BMERB1: variants seen among roughly 807,000 people sequenced by gnomAD.
The protein encoded by BMERB1 is bMERB domain containing 1.
Under a neutral mutation model 23.6 loss-of-function variants are expected in BMERB1, and 12 were observed. That is an observed-to-expected ratio of 0.51 (90% confidence interval 0.33 to 0.82). BMERB1 has a LOEUF of 0.82. Ranked by LOEUF, BMERB1 falls within the 40% of genes least tolerant of loss-of-function variation. BMERB1 has a pLI of 0.03. For missense variants in BMERB1, 247 were observed against 255.4 expected, an observed-to-expected ratio of 0.97 and a Z score of 0.22; for synonymous variants, 122 against 96.6, an observed-to-expected ratio of 1.26 and a Z score of -1.54.
chr16:15,515,978 C>CT (rs2051747137), intron 2 of BMERB1, among the ~76,000 whole-genome samples: 1 of 152,168 alleles, frequency 6.6e-6, no homozygotes, highest in African/African-American at 2.4e-5. Context: ...AAGTTGGGCT[C>CT]TGAGTGTGTG....
At chr16:15,436,815 C>T (rs930452453) in intron 1 of BMERB1, among the ~76,000 whole-genome samples, 1 of 151,896 alleles carries the variant, frequency 6.6e-6, no homozygotes, top group Non-Finnish European at 1.5e-5. Flanking sequence ...TGACCATGTG[C>T]TGAGAACTCT....
chr16:15,583,328 A>G (rs2150978265), intron 5 of BMERB1, 90 bp downstream of exon 5: 2 of 1,090,544 alleles, frequency 1.8e-6, no homozygotes, highest in Non-Finnish European at 1.4e-6. Context: ...CTGTAATCCC[A>G]GCACTATGAG....
intron 2 of BMERB1, among the ~76,000 whole-genome samples, chr16:15,537,137 T>C (rs2052032779): frequency 6.6e-6 from 1 of 152,156 alleles, no homozygotes; most frequent in Non-Finnish European, 1.5e-5. Context: ...ATGCCTTTGA[T>C]TGAACCTGGG....
At chr16:15,463,190 C>T (rs2051151013) in intron 1 of BMERB1, among the ~76,000 whole-genome samples, 1 of 151,712 alleles carries the variant, frequency 6.6e-6, no homozygotes, top group African/African-American at 2.4e-5. Context: ...GGGATCCTCT[C>T]ACCTCAGCCT....
chr16:15,550,701 A>AAG (rs1284155134), intron 2 of BMERB1, among the ~76,000 whole-genome samples: 2 of 152,168 alleles, frequency 1.3e-5, no homozygotes, highest in Non-Finnish European at 2.9e-5. Flanking sequence ...ATGGGAACAG[A>AAG]AGATGACAGC....
chr16:15,451,552 CTTTTTTTTTTT>C lies in BMERB1; in HGVS notation c.106+16807_106+16817del, dbSNP rs35544766. Among the ~76,000 whole-genome samples the C allele has an allele frequency of 3.8e-3, 323 of 84,024 alleles. 6 individuals carry two copies. Among genetic ancestry groups the C allele is most frequent in the African/African-American group, 0.014 (310 of 22,058 alleles). 55.1% of individuals were successfully genotyped at this position (84,024 alleles called of 152,430 possible). Reference sequence around the variant, plus strand: ...ACATACTGGGTCACTCTTAGTATTTCTTTTTTTTTTTTTTTTTTTTTTTTGAGACAGGAGCT... The same window carrying C: ...ACATACTGGGTCACTCTTAGTATTTCTTTTTTTTTTTTTGAGACAGGAGCT... On this transcript the variant is annotated intron_variant, in intron 1 of 5. Transcript: ENST00000300006.
At chr16:15,549,589 G>T (rs2030021923) in intron 2 of BMERB1, among the ~76,000 whole-genome samples, 1 of 151,692 alleles carries the variant, frequency 6.6e-6, no homozygotes, top group Middle Eastern at 3.4e-3. Context: ...TGAGGCAGGA[G>T]AATTCCTTGA....
intron 1 of BMERB1, among the ~76,000 whole-genome samples, chr16:15,514,294 C>G (rs879437949): frequency 6.6e-5 from 10 of 152,066 alleles, no homozygotes; most frequent in Non-Finnish European, 1.5e-4. Flanking sequence ...ATACTTAACA[C>G]TACTTGGTAG....
At chr16:15,502,527 T>G (rs772368115) in intron 1 of BMERB1, among the ~76,000 whole-genome samples, 12 of 152,106 alleles carry the variant, frequency 7.9e-5, no homozygotes, top group Non-Finnish European at 1.6e-4. Flanking sequence ...TCCCATTACA[T>G]TCACGTTATA....
chr16:15,530,655 C>A (rs1172126665), intron 2 of BMERB1, among the ~76,000 whole-genome samples: 3 of 152,124 alleles, frequency 2.0e-5, no homozygotes, highest in African/African-American at 7.2e-5. Flanking sequence ...ATCCCATAAT[C>A]CCCATATGTC....
intron 1 of BMERB1, chr16:15,447,845 G>C (rs2051003102): frequency 2.2e-6 from 1 of 455,932 alleles, no homozygotes; most frequent in African/African-American, 2.0e-5. Flanking sequence ...CTGGCAATAT[G>C]GGGCCATTGG....
At chr16:15,584,264 A>G in intron 5 of BMERB1, 1 of 497,934 alleles carries the variant, frequency 2.0e-6, no homozygotes. Context: ...TTCAGTTAGA[A>G]GAAATGGATG....
At chr16:15,453,742 C>T (rs1282469664) in intron 1 of BMERB1, among the ~76,000 whole-genome samples, 1 of 152,062 alleles carries the variant, frequency 6.6e-6, no homozygotes, top group African/African-American at 2.4e-5. Context: ...GGTGTGGTGG[C>T]ACGTGCCTGT....
At position 15,583,194 on chromosome 16, in the gene BMERB1, G is replaced by C. The variant is rs1305284967; in HGVS notation, c.458G>C (p.Arg153Thr). ...EEDKEMADFLRIKLKPLDKVT... is the reference protein window; with the variant it reads ...EEDKEMADFLTIKLKPLDKVT... The stretch of plus-strand genomic sequence containing the variant: ...GACAAGGAAATGGCTGATTTCCTGA[G>C]AATCAAGTTAAAACCTCTAGACAAA... Residue 153 changes from arginine to threonine, a missense_variant, in exon 5 of 6, where the codon AGA becomes ACA. By Grantham distance (71) the Arg-to-Thr change is moderately conservative (BLOSUM62 -1). Coordinates refer to ENST00000300006, the MANE Select transcript of BMERB1 (RefSeq NM_033201.3). The C allele has an allele frequency of 1.9e-6, 3 of 1,613,802 alleles. No individual in the cohort carries two copies. Among genetic ancestry groups the C allele is most frequent in the East Asian group, 2.2e-5 (1 of 44,876 alleles).
chr16:15,474,286 G>A (rs2051257509), intron 1 of BMERB1, among the ~76,000 whole-genome samples: 1 of 151,860 alleles, frequency 6.6e-6, no homozygotes, highest in Non-Finnish European at 1.5e-5. Flanking sequence ...TCAAATTTGG[G>A]AAGTTTTCAG....
chr16:15,501,672 C>G (rs1272438486), intron 1 of BMERB1, among the ~76,000 whole-genome samples: 1 of 152,180 alleles, frequency 6.6e-6, no homozygotes, highest in African/African-American at 2.4e-5. Context: ...CGGGCTTTCG[C>G]CATGTTGGCC....
At chr16:15,501,833 G>A (rs1052196446) in intron 1 of BMERB1, among the ~76,000 whole-genome samples, 4 of 152,184 alleles carry the variant, frequency 2.6e-5, no homozygotes, top group African/African-American at 9.6e-5. Context: ...GGCCAGGCTG[G>A]TCTTGAGCTC....
intron 2 of BMERB1, among the ~76,000 whole-genome samples, chr16:15,519,309 C>A (rs546286235): frequency 6.6e-6 from 1 of 152,194 alleles, no homozygotes; most frequent in Non-Finnish European, 1.5e-5. Context: ...TGCCCATCAG[C>A]TGCTGCAGAG....
intron 3 of BMERB1, among the ~76,000 whole-genome samples, chr16:15,577,750 G>A (rs1259653605): frequency 2.6e-5 from 4 of 152,262 alleles, no homozygotes; most frequent in African/African-American, 9.6e-5. Context: ...CAGCGCTTGG[G>A]AGAGGCTGCA....
Sources: gnomAD v4.1 joint callset for allele counts (sites outside exome capture counted in the v4.1 genomes callset) on GRCh38, gnomAD v4.1.1 for gene constraint, MANE v1.5 for transcripts, NCBI Gene and HGNC (gene_info 2026-07-23, HGNC 2026-07-21) for gene names.